IQCM: variants seen among roughly 807,000 people sequenced by gnomAD.
IQCM encodes the protein IQ domain-containing protein M.
In IQCM, 45 loss-of-function variants were observed where a neutral mutation model predicts 57.6. That is an observed-to-expected ratio of 0.78 (90% CI 0.62 to 1.00). IQCM has a LOEUF of 1.00. IQCM is among the 50% of genes least tolerant of loss of function. The probability of loss-of-function intolerance (pLI) is 0.00; values close to 1 mark genes in which losing one functional copy is unlikely to be tolerated. For missense variants in IQCM, 468 were observed against 511.6 expected, an observed-to-expected ratio of 0.91 and a Z score of 0.82; for synonymous variants, 148 against 158.9, an observed-to-expected ratio of 0.93 and a Z score of 0.51.
At chr4:149,594,153 C>G (rs1753519832) in intron 8 of IQCM, among the ~76,000 whole-genome samples, 1 of 152,112 alleles carries the variant, frequency 6.6e-6, no homozygotes, top group Non-Finnish European at 1.5e-5. Context: ...TTGGTCTATT[C>G]AGGGATTCAA....
intron 7 of IQCM, among the ~76,000 whole-genome samples, chr4:149,638,654 G>T (rs1358667283): frequency 6.6e-6 from 1 of 152,120 alleles, no homozygotes; most frequent in East Asian, 1.9e-4. Context: ...GAAAATATAC[G>T]TACTGTAGGA....
intron 13 of IQCM, among the ~76,000 whole-genome samples, chr4:149,370,094 A>G: frequency 6.6e-6 from 1 of 152,072 alleles, no homozygotes; most frequent in Non-Finnish European, 1.5e-5. Context: ...GGGTTTCCCT[A>G]TGTTGCCCAG....
At chr4:149,569,742 T>A (rs1206980732) in intron 9 of IQCM, among the ~76,000 whole-genome samples, 3 of 152,202 alleles carry the variant, frequency 2.0e-5, no homozygotes, top group Non-Finnish European at 4.4e-5. Flanking sequence ...CATGAACCTG[T>A]TAGACTAAGC....
intron 7 of IQCM, among the ~76,000 whole-genome samples, chr4:149,637,587 A>G (rs1171360406): frequency 2.0e-5 from 3 of 152,244 alleles, no homozygotes; most frequent in African/African-American, 7.2e-5. Flanking sequence ...AATCTTAAAA[A>G]GAAACAAAAC....
intron 12 of IQCM, among the ~76,000 whole-genome samples, chr4:149,495,329 C>T (rs537223019): frequency 6.6e-6 from 1 of 152,202 alleles, no homozygotes; most frequent in African/African-American, 2.4e-5. Context: ...TAAATGTGAG[C>T]TAAGCACTAG....
At chr4:149,758,592 T>C (rs1769209307) in intron 2 of IQCM, among the ~76,000 whole-genome samples, 1 of 152,222 alleles carries the variant, frequency 6.6e-6, no homozygotes, top group African/African-American at 2.4e-5. Context: ...GATACAGAAC[T>C]GTTATTTAAA....
At chr4:149,763,259 CT>C (rs1292886759) in intron 2 of IQCM, among the ~76,000 whole-genome samples, 1 of 151,932 alleles carries the variant, frequency 6.6e-6, no homozygotes, top group Non-Finnish European at 1.5e-5. Context: ...CAAAAAAAGC[CT>C]AGTTTGTATC....
intron 12 of IQCM, among the ~76,000 whole-genome samples, chr4:149,547,042 T>C (rs1039682433): frequency 1.2e-4 from 19 of 152,358 alleles, no homozygotes; most frequent in African/African-American, 4.6e-4. Flanking sequence ...TACATATGGC[T>C]AGCCAGTTTA....
intron 7 of IQCM, among the ~76,000 whole-genome samples, chr4:149,650,697 C>T (rs1384832794): frequency 6.6e-6 from 1 of 152,108 alleles, no homozygotes. Flanking sequence ...GCCTAAATTT[C>T]TGTCATTTTT....
At chr4:149,803,346 G>C (rs774656806) in intron 2 of IQCM, among the ~76,000 whole-genome samples, 7 of 151,810 alleles carry the variant, frequency 4.6e-5, no homozygotes, top group Non-Finnish European at 8.8e-5. Context: ...ATTTGTAATT[G>C]TCCCACAGTT....
intron 12 of IQCM, among the ~76,000 whole-genome samples, chr4:149,451,994 A>G (rs1436790106): frequency 2.0e-5 from 3 of 151,792 alleles, no homozygotes; most frequent in East Asian, 3.9e-4. Flanking sequence ...AGCTGCTAGA[A>G]TAAACAAGTG....
intron 12 of IQCM, among the ~76,000 whole-genome samples, chr4:149,506,013 A>ACT (rs1021870978): frequency 9.2e-5 from 14 of 152,252 alleles, no homozygotes; most frequent in African/African-American, 3.4e-4. Flanking sequence ...TGGGCCTGTG[A>ACT]CTCTTACTTA....
chr4:149,415,513 C>T (rs911913803), intron 13 of IQCM, among the ~76,000 whole-genome samples: 8 of 152,144 alleles, frequency 5.3e-5, no homozygotes, highest in African/African-American at 2.4e-5. Flanking sequence ...ACAGCAGGAA[C>T]ATCCTTGCTA....
At chr4:149,352,798 A>G (rs1728669466) in intron 13 of IQCM, among the ~76,000 whole-genome samples, 1 of 152,234 alleles carries the variant, frequency 6.6e-6, no homozygotes, top group Non-Finnish European at 1.5e-5. Flanking sequence ...GTATAGATCC[A>G]TCTTTATGTA....
intron 12 of IQCM, among the ~76,000 whole-genome samples, chr4:149,507,606 A>G (rs892331345): frequency 3.9e-5 from 6 of 152,278 alleles, no homozygotes; most frequent in African/African-American, 1.4e-4. Flanking sequence ...TGGCAGCAGA[A>G]ATTTCTAAGC....
chr4:149,661,399 G>T (rs1760197331), intron 7 of IQCM, among the ~76,000 whole-genome samples: 1 of 152,128 alleles, frequency 6.6e-6, no homozygotes, highest in Non-Finnish European at 1.5e-5. Flanking sequence ...GTTCGTCAAG[G>T]ATATTGAATT....
chr4:149,627,091 G>C (rs1196858885), intron 7 of IQCM, among the ~76,000 whole-genome samples: 1 of 152,200 alleles, frequency 6.6e-6, no homozygotes, highest in East Asian at 1.9e-4. Context: ...TTCAGCAGCA[G>C]TATTTGATAC....
At chr4:149,515,072 G>GTGTGTGTC (rs1744813764) in intron 12 of IQCM, among the ~76,000 whole-genome samples, 1 of 396 alleles carries the variant, frequency 2.5e-3, no homozygotes, top group Admixed American at 0.056. Context: ...ATATATACAC[G>GTGTGTGTC]TGTGTGTGTG....
At chr4:149,773,518 TG>T (rs1770791573) in intron 2 of IQCM, among the ~76,000 whole-genome samples, 1 of 152,208 alleles carries the variant, frequency 6.6e-6, no homozygotes, top group African/African-American at 2.4e-5. Context: ...TTAAACTAAC[TG>T]TTCTGTAATG....
Sources: allele counts gnomAD v4.1 joint callset (sites outside exome capture counted in the v4.1 genomes callset), GRCh38; gene constraint gnomAD v4.1.1; transcripts MANE v1.5; gene names NCBI Gene and HGNC (gene_info 2026-07-23, HGNC 2026-07-21).